The following STK3 variants were observed in gnomAD, a reference collection of about 807,000 sequenced individuals.
STK3 encodes serine/threonine kinase 3, also known as serine/threonine-protein kinase 3.
In STK3, 41 loss-of-function variants were observed where a neutral mutation model predicts 58.0. That is an observed-to-expected ratio of 0.71 (90% confidence interval 0.55 to 0.92). STK3 has a LOEUF of 0.92. Ranked by LOEUF, STK3 falls within the 40% of genes least tolerant of loss-of-function variation. The pLI, the probability that STK3 is intolerant of heterozygous loss-of-function variation, is 0.00. For synonymous variants in STK3, 170 were observed against 191.0 expected, an observed-to-expected ratio of 0.89 and a Z score of 0.91; for missense variants, 479 against 602.7, an observed-to-expected ratio of 0.79 and a Z score of 2.15.
At chr8:98,445,423 T>C (rs1308643321) in intron 1 of STK3, among the ~76,000 whole-genome samples, 1 of 152,156 alleles carries the variant, frequency 6.6e-6, no homozygotes, top group African/African-American at 2.4e-5. Flanking sequence ...TTAATTTTAA[T>C]AATATATTTC....
chr8:98,798,872 A>G (rs1833344335), intron 1 of STK3, among the ~76,000 whole-genome samples: 1 of 152,220 alleles, frequency 6.6e-6, no homozygotes. Context: ...AATGGGATTA[A>G]GACCCTAATG....
intron 10 of STK3, among the ~76,000 whole-genome samples, chr8:98,472,737 A>G (rs937396217): frequency 1.8e-4 from 28 of 152,308 alleles, no homozygotes; most frequent in African/African-American, 6.7e-4. Flanking sequence ...ACATTTAAAA[A>G]AAGATTTCTC....
intron 10 of STK3, among the ~76,000 whole-genome samples, chr8:98,515,746 G>T (rs1824881469): frequency 1.4e-5 from 2 of 143,364 alleles, no homozygotes; most frequent in South Asian, 4.5e-4. Flanking sequence ...AGTTTCTTCA[G>T]TTTTTTTTTT....
intron 1 of STK3, among the ~76,000 whole-genome samples, chr8:98,798,667 G>C (rs1344336889): frequency 6.6e-6 from 1 of 152,178 alleles, no homozygotes. Context: ...TTTTGGATAT[G>C]TCCCCTCCAA....
intron 10 of STK3, among the ~76,000 whole-genome samples, chr8:98,476,119 T>G (rs974405434): frequency 3.9e-5 from 6 of 152,206 alleles, no homozygotes. Context: ...GAAGTTTGTA[T>G]TCAAAACATT....
intron 1 of STK3, among the ~76,000 whole-genome samples, chr8:98,791,609 G>A (rs1056594431): frequency 6.6e-6 from 1 of 152,160 alleles, no homozygotes; most frequent in African/African-American, 2.4e-5. Context: ...CATGGTACTG[G>A]TATAAAAATA....
At chr8:98,534,654 T>C (rs746337518) in intron 9 of STK3, among the ~76,000 whole-genome samples, 1 of 152,226 alleles carries the variant, frequency 6.6e-6, no homozygotes, top group African/African-American at 2.4e-5. Context: ...ACAGGACACA[T>C]ACATTCCATT....
intron 10 of STK3, among the ~76,000 whole-genome samples, chr8:98,498,472 T>C (rs773230739): frequency 6.6e-6 from 1 of 152,214 alleles, no homozygotes; most frequent in Non-Finnish European, 1.5e-5. Context: ...AAGCATGACA[T>C]GGCCCTGCCC....
At chr8:98,466,203 TTA>T (rs772941060) in intron 10 of STK3, among the ~76,000 whole-genome samples, 4 of 152,152 alleles carry the variant, frequency 2.6e-5, no homozygotes, top group Non-Finnish European at 4.4e-5. Context: ...AAGAAAAACA[TTA>T]TATGAGAAAT....
chr8:98,722,006 A>AT (rs955428909), intron 4 of STK3, among the ~76,000 whole-genome samples: 29 of 152,166 alleles, frequency 1.9e-4, no homozygotes, highest in African/African-American at 6.8e-4. Flanking sequence ...ATAAATGATC[A>AT]TAAAAAGCTC....
At chr8:98,890,541 T>TA (rs1334273343) in intron 1 of STK3, among the ~76,000 whole-genome samples, 2 of 152,170 alleles carry the variant, frequency 1.3e-5, no homozygotes, top group African/African-American at 4.8e-5. Context: ...GCTACTCTGT[T>TA]ATTAGAAGGA....
chr8:98,939,154 A>C (rs894163376), intron 1 of STK3, among the ~76,000 whole-genome samples: 1 of 152,218 alleles, frequency 6.6e-6, no homozygotes, highest in African/African-American at 2.4e-5. Context: ...TGAATGAATA[A>C]GCTGCCTAAA....
intron 10 of STK3, among the ~76,000 whole-genome samples, chr8:98,500,385 T>C (rs1823483328): frequency 6.6e-6 from 1 of 152,144 alleles, no homozygotes; most frequent in African/African-American, 2.4e-5. Context: ...TTTTATACTT[T>C]AAGTTCTAGG....
chr8:98,353,402 G>A, the STK3 span, among the ~76,000 whole-genome samples: 4 of 152,150 alleles, frequency 2.6e-5, no homozygotes, highest in Admixed American at 1.3e-4. Flanking sequence ...GAGGCGGGAG[G>A]ATCACTTAAG....
intron 6 of STK3, among the ~76,000 whole-genome samples, chr8:98,648,896 A>C (rs1372346392): frequency 6.6e-6 from 1 of 151,856 alleles, no homozygotes; most frequent in Non-Finnish European, 1.5e-5. Flanking sequence ...GTCTCAAAAA[A>C]AAAAAAAAAA....
chr8:98,591,265 A>G (rs546911217), intron 7 of STK3, among the ~76,000 whole-genome samples: 2 of 152,326 alleles, frequency 1.3e-5, no homozygotes, highest in African/African-American at 4.8e-5. Flanking sequence ...TCTATAGTGT[A>G]CTGTGTTGTC....
chr8:98,845,780 C>T (rs953779179), intron 3 of STK3, among the ~76,000 whole-genome samples: 49 of 152,184 alleles, frequency 3.2e-4, no homozygotes, highest in African/African-American at 1.2e-3. Context: ...GAGATACTTA[C>T]TAAAGTGTAT....
chr8:98,857,209 T>C (rs954397398), intron 3 of STK3, among the ~76,000 whole-genome samples: 1 of 152,232 alleles, frequency 6.6e-6, no homozygotes, highest in African/African-American at 2.4e-5. Flanking sequence ...AATTTTATGG[T>C]ATGTGAATTA....
At chr8:98,398,764 C>T (rs979761172), downstream of STK3, among the ~76,000 whole-genome samples, 4 of 152,246 alleles carry the variant, frequency 2.6e-5, no homozygotes, top group Non-Finnish European at 5.9e-5. Flanking sequence ...CAGGCTTTTA[C>T]ATCTTTGGAG....
Sources: allele counts gnomAD v4.1 joint callset (sites outside exome capture counted in the v4.1 genomes callset), GRCh38; gene constraint gnomAD v4.1.1; transcripts MANE v1.5; gene names NCBI Gene and HGNC (gene_info 2026-07-23, HGNC 2026-07-21).